The following MALRD1 variants were observed in gnomAD, a reference collection of about 807,000 sequenced individuals.
The protein encoded by MALRD1 is MAM and LDL receptor class A domain containing 1.
MALRD1 carries 247 observed loss-of-function variants against 242.1 expected under a neutral mutation model. That is an observed-to-expected ratio of 1.02 (90% CI 0.92 to 1.13). The LOEUF is 1.13. MALRD1 is among the 50% of genes most tolerant of loss of function. The pLI is 0.00. For missense variants in MALRD1, 2,989 were observed against 2,533.1 expected, an observed-to-expected ratio of 1.18 and a Z score of -3.86; for synonymous variants, 995 against 866.6, an observed-to-expected ratio of 1.15 and a Z score of -2.60.
chr10:19,209,253 TC>T lies in MALRD1; in HGVS notation c.2579-14del. ...TCCCTAATTATCTTTTGCTTTTATT[TC>T]ATGTGAATTTCAGCACCTGAGCTGC... On this transcript the variant is annotated splice_polypyrimidine_tract_variant and intron_variant, in intron 17 of 39. Transcript: ENST00000454679. The T allele has an allele frequency of 6.7e-7, 1 of 1,490,894 alleles. No individual in the cohort carries two copies. The allele number at this position is 1,490,894 out of a possible 1,614,324, so 92.4% of individuals were successfully genotyped here. A position where few individuals can be genotyped will look rare whatever the true frequency, so the allele number is the denominator to read the frequency against.
intron 28 of MALRD1, among the ~76,000 whole-genome samples, chr10:19,428,147 G>A (rs1833971887): frequency 6.6e-6 from 1 of 151,810 alleles, no homozygotes; most frequent in South Asian, 2.1e-4. Context: ...GGGGTGGGCA[G>A]GGAGGCTTTG....
At chr10:19,427,460 A>G (rs1042073283) in intron 28 of MALRD1, among the ~76,000 whole-genome samples, 9 of 152,204 alleles carry the variant, frequency 5.9e-5, no homozygotes, top group African/African-American at 2.2e-4. Context: ...TTGCCATTTT[A>G]AAGAGAAATA....
intron 10 of MALRD1, among the ~76,000 whole-genome samples, chr10:19,140,526 G>GGGT (rs1554796538): frequency 9.9e-5 from 11 of 111,504 alleles, no homozygotes; most frequent in Admixed American, 3.0e-4. Context: ...AAACAAGTGG[G>GGGT]GTGTGTGTGT....
chr10:19,190,448 A>C (rs1450084572), intron 14 of MALRD1, among the ~76,000 whole-genome samples: 1 of 152,128 alleles, frequency 6.6e-6, no homozygotes, highest in Non-Finnish European at 1.5e-5. Flanking sequence ...AATAGAAAGT[A>C]AGTTCATATT....
intron 18 of MALRD1, among the ~76,000 whole-genome samples, chr10:19,235,316 G>A (rs78647294): frequency 0.044 from 6,724 of 151,972 alleles, 194 homozygotes; most frequent in Middle Eastern, 0.078. Context: ...CATTCCAACC[G>A]GTATGAAATG....
intron 11 of MALRD1, among the ~76,000 whole-genome samples, chr10:19,151,081 C>T (rs1359634338): frequency 6.6e-6 from 1 of 152,026 alleles, no homozygotes; most frequent in Non-Finnish European, 1.5e-5. Flanking sequence ...TTCCTATTTT[C>T]CTACCAGCAA....
At chr10:19,525,816 T>G (rs908962022) in intron 31 of MALRD1, among the ~76,000 whole-genome samples, 1 of 152,202 alleles carries the variant, frequency 6.6e-6, no homozygotes, top group Non-Finnish European at 1.5e-5. Flanking sequence ...AATTAAAGTG[T>G]AATCGATTTT....
chr10:19,370,678 A>G (rs1340938101), intron 26 of MALRD1, among the ~76,000 whole-genome samples: 1 of 152,058 alleles, frequency 6.6e-6, no homozygotes, highest in African/African-American at 2.4e-5. Flanking sequence ...CCTGGGTTCA[A>G]GTGATTCTTG....
chr10:19,209,306 A>G lies in MALRD1; in HGVS notation c.2617A>G (p.Asn873Asp), dbSNP rs1836934021. Residue 873 changes from asparagine (N) to aspartate (D), a missense_variant, in exon 18 of 40, where the codon AAC (asparagine) becomes GAC (aspartate). Asn to Asp is a conservative substitution (Grantham distance 23, BLOSUM62 1). Coordinates refer to ENST00000454679, the MANE Select transcript of MALRD1 (RefSeq NM_001142308.3). ...LQCNFETGIC[N>D]WEQDAKDDFD... The stretch of plus-strand genomic sequence containing the variant: ...GTGTAACTTTGAAACTGGAATCTGT[A>G]ACTGGGAACAAGATGCAAAAGATGA... 1 of 1,547,530 alleles carries G rather than the reference A, an allele frequency of 6.5e-7. No individual in the cohort carries two copies. The highest frequency in any genetic ancestry group is 8.7e-7 in the Non-Finnish European group (1 of 1,145,940).
intron 23 of MALRD1, among the ~76,000 whole-genome samples, chr10:19,328,179 C>T (rs1427205674): frequency 1.3e-5 from 2 of 152,054 alleles, no homozygotes; most frequent in African/African-American, 4.8e-5. Context: ...CAGACCTATA[C>T]ATATTAATAA....
chr10:19,455,454 C>T (rs1456483249), intron 29 of MALRD1, among the ~76,000 whole-genome samples: 1 of 152,174 alleles, frequency 6.6e-6, no homozygotes, highest in Non-Finnish European at 1.5e-5. Flanking sequence ...TTAGTCCTAG[C>T]TTACCCATTT....
At chr10:19,278,867 A>C (rs528536343) in intron 19 of MALRD1, among the ~76,000 whole-genome samples, 12 of 152,368 alleles carry the variant, frequency 7.9e-5, no homozygotes, top group South Asian at 2.1e-4. Context: ...TAACATAAGC[A>C]AATTGATATA....
At chr10:19,508,236 A>G (rs1183897413) in intron 31 of MALRD1, among the ~76,000 whole-genome samples, 1 of 152,156 alleles carries the variant, frequency 6.6e-6, no homozygotes, top group Non-Finnish European at 1.5e-5. Context: ...TGTGATGTAT[A>G]CTGAATAGAC....
chr10:19,401,880 G>A (rs1432941802), intron 28 of MALRD1, among the ~76,000 whole-genome samples: 1 of 152,116 alleles, frequency 6.6e-6, no homozygotes, highest in African/African-American at 2.4e-5. Flanking sequence ...TTTGTCTTGT[G>A]TACTTTTTAT....
At chr10:19,226,601 T>A (rs951218001) in intron 18 of MALRD1, among the ~76,000 whole-genome samples, 2 of 151,704 alleles carry the variant, frequency 1.3e-5, no homozygotes, top group Non-Finnish European at 1.5e-5. Flanking sequence ...TTGGATAAAT[T>A]ACAAAACTGA....
chr10:19,452,544 GC>G (rs748235934), intron 29 of MALRD1, among the ~76,000 whole-genome samples: 3 of 152,270 alleles, frequency 2.0e-5, no homozygotes, highest in Non-Finnish European at 2.9e-5. Flanking sequence ...GTTTTTAACA[GC>G]CCAGCCATCT....
intron 32 of MALRD1, among the ~76,000 whole-genome samples, chr10:19,560,102 C>G (rs1589239653): frequency 6.6e-6 from 1 of 152,146 alleles, no homozygotes; most frequent in East Asian, 1.9e-4. Flanking sequence ...GATCTAGAAC[C>G]AGAAATACTA....
At chr10:19,538,572 CT>C (rs1834788030) in intron 32 of MALRD1, among the ~76,000 whole-genome samples, 1 of 152,130 alleles carries the variant, frequency 6.6e-6, no homozygotes, top group Non-Finnish European at 1.5e-5. Flanking sequence ...AGCTATTCAG[CT>C]TCCTAGCTTC....
At chr10:19,657,007 C>T (rs920527163) in intron 36 of MALRD1, among the ~76,000 whole-genome samples, 5 of 152,104 alleles carry the variant, frequency 3.3e-5, no homozygotes, top group Admixed American at 2.0e-4. Flanking sequence ...AGATACGGAT[C>T]GAATAATATT....
Sources: allele counts gnomAD v4.1 joint callset (sites outside exome capture counted in the v4.1 genomes callset), GRCh38; gene constraint gnomAD v4.1.1; transcripts MANE v1.5; gene names NCBI Gene and HGNC (gene_info 2026-07-23, HGNC 2026-07-21).